PACSIN1: variants seen among roughly 807,000 people sequenced by gnomAD.
The protein encoded by PACSIN1 is protein kinase C and casein kinase substrate in neurons protein 1.
A neutral mutation model predicts 59.5 loss-of-function variants in PACSIN1; 15 were observed. The ratio of observed to expected loss-of-function variants is 0.25; its 90% CI spans 0.17 to 0.39. The LOEUF (loss-of-function observed/expected upper bound fraction) is 0.39, where lower values mean the gene tolerates loss of function less well. Among genes scored for constraint, PACSIN1 ranks in the 10% least tolerant of loss-of-function variants. PACSIN1 has a pLI of 1.00. For synonymous variants in PACSIN1, 210 were observed against 220.6 expected (o/e 0.95, Z 0.42); for missense variants, 420 against 580.2 (o/e 0.72, Z 2.84).
intron 1 of PACSIN1, among the ~76,000 whole-genome samples, chr6:34,482,163 C>T (rs1473232247): frequency 2.0e-5 from 3 of 151,856 alleles, no homozygotes; most frequent in Non-Finnish European, 2.9e-5. Flanking sequence ...CTCGGCTCAC[C>T]GCAATCTCTG....
chr6:34,490,433 GAC>G (rs1327095016), intron 1 of PACSIN1, among the ~76,000 whole-genome samples: 1 of 151,986 alleles, frequency 6.6e-6, no homozygotes, highest in African/African-American at 2.4e-5. Context: ...CTTGCCCTGG[GAC>G]ACAGAGTCTA....
chr6:34,528,912 TG>T (rs1345459813), intron 4 of PACSIN1, 35 bp downstream of exon 4: 2 of 464,336 alleles, frequency 4.3e-6, no homozygotes, highest in East Asian at 1.1e-4. Context: ...CGGGGTGGGG[TG>T]GGCCCGTCTG....
intron 1 of PACSIN1, among the ~76,000 whole-genome samples, chr6:34,489,045 G>A (rs1046726420): frequency 1.3e-5 from 2 of 151,998 alleles, no homozygotes; most frequent in Non-Finnish European, 2.9e-5. Context: ...GCCAGGTGTG[G>A]CGGCATGCCC....
At chr6:34,489,721 C>G (rs1412079915) in intron 1 of PACSIN1, among the ~76,000 whole-genome samples, 1 of 152,220 alleles carries the variant, frequency 6.6e-6, no homozygotes, top group East Asian at 1.9e-4. Flanking sequence ...ATCACCTGCC[C>G]CCATATGCTT....
intron 1 of PACSIN1, among the ~76,000 whole-genome samples, chr6:34,498,052 TTTTGTTTGTTTG>T (rs34953853): frequency 1.3e-5 from 2 of 151,426 alleles, no homozygotes; most frequent in African/African-American, 2.4e-5. Context: ...TTTTTGTTTG[TTTTGTTTGTTTG>T]TTTGTTTGTT....
chr6:34,500,020 G>A (rs1767001622), intron 1 of PACSIN1, among the ~76,000 whole-genome samples: 1 of 152,116 alleles, frequency 6.6e-6, no homozygotes, highest in African/African-American at 2.4e-5. Flanking sequence ...GTCTAATGAG[G>A]GGTTAATATC....
chr6:34,487,922 G>A (rs781597021), intron 1 of PACSIN1, among the ~76,000 whole-genome samples: 19 of 152,162 alleles, frequency 1.2e-4, no homozygotes, highest in Non-Finnish European at 2.5e-4. Flanking sequence ...GGAAATCTGA[G>A]CCCTTATAAT....
At chr6:34,469,309 C>T (rs1766539442) in intron 1 of PACSIN1, among the ~76,000 whole-genome samples, 1 of 152,048 alleles carries the variant, frequency 6.6e-6, no homozygotes, top group South Asian at 2.1e-4. Flanking sequence ...ACTAGAAAGC[C>T]GAATGAAGGA....
chr6:34,531,323 T>C lies in PACSIN1; in HGVS notation c.1038-277T>C, dbSNP rs567289594. ...AGGTCTGACTCCAGGATCCTTGCTC[T>C]TAAACATTAGGTGGTACTCCTCCTC... On this transcript the variant is annotated intron_variant, in intron 8 of 9. Coordinates refer to ENST00000244458, the MANE Select transcript of PACSIN1 (RefSeq NM_020804.5). The surrounding 1 kb of genome is among the most constrained non-coding windows in gnomAD (Gnocchi z 4.4). 3.9e-5 allele frequency among the ~76,000 whole-genome samples: 6 copies of C among 152,320 alleles called. No homozygotes were observed. The South Asian group carries it at 6.2e-4, about 16-fold the overall frequency.
chr6:34,505,631 C>CT (rs35588714), intron 1 of PACSIN1, among the ~76,000 whole-genome samples: 93,565 of 106,276 alleles, frequency 0.88, 41,679 homozygotes, highest in South Asian at 0.96. Context: ...TACCTCCATA[C>CT]TTTTTTTTTT....
At chr6:34,528,576 G>A in intron 3 of PACSIN1, 66 bp from the exon 4 acceptor site, 3 of 1,134,514 alleles carry the variant, frequency 2.6e-6, no homozygotes, top group Middle Eastern at 2.3e-4. Flanking sequence ...TCAGAGAAGG[G>A]AGATGTGAGG....
At chr6:34,487,699 C>T (rs983884544) in intron 1 of PACSIN1, among the ~76,000 whole-genome samples, 26 of 152,152 alleles carry the variant, frequency 1.7e-4, no homozygotes, top group African/African-American at 6.3e-4. Flanking sequence ...TTTGCACCCT[C>T]GCATTGACCA....
intron 1 of PACSIN1, among the ~76,000 whole-genome samples, chr6:34,520,713 C>A (rs1015538158): frequency 2.0e-5 from 3 of 152,138 alleles, no homozygotes; most frequent in African/African-American, 7.2e-5. Context: ...CCCCTGAGGA[C>A]GGAGGAAGCC....
rs924660441 is a variant in PACSIN1 at position 34,530,920 on chromosome 6, A to G, written c.1037+333A>G. On this transcript the variant is annotated intron_variant, in intron 8 of 9. Transcript: ENST00000244458. The surrounding 1 kb of genome is among the most constrained non-coding windows in gnomAD (Gnocchi z 4.4). ...TTCACAATAGGGGGGTTGCGCTCCT[A>G]TGAGAATCTAACGCCGCGGCTGATC... is the stretch of plus-strand genomic sequence containing the variant. 2.0e-5 allele frequency among the ~76,000 whole-genome samples: 3 copies of G among 152,174 alleles called. No homozygotes were observed. The highest frequency in any genetic ancestry group is 7.2e-5 in the African/African-American group (3 of 41,430).
At chr6:34,519,690 C>G (rs935326957) in intron 1 of PACSIN1, among the ~76,000 whole-genome samples, 1 of 152,108 alleles carries the variant, frequency 6.6e-6, no homozygotes, top group Non-Finnish European at 1.5e-5. Context: ...CTCCTACACC[C>G]CATGGGGGTA....
At position 34,506,748 on chromosome 6, in the gene PACSIN1, C is replaced by T. The variant is rs141929490; in HGVS notation, c.-63-19495C>T. Among the ~76,000 whole-genome samples, 407 of 152,184 alleles carry T rather than the reference C, an allele frequency of 2.7e-3. 1 individual carries two copies. Among genetic ancestry groups the T allele is most frequent in the African/African-American group, 9.2e-3 (383 of 41,510 alleles). ...TTCTGGCACCAGTGATCCCTCCCTG[C>T]GTGGGAAGGGAGGGTGCCTTGTTAC... On this transcript the variant is annotated intron_variant, in intron 1 of 9. Coordinates refer to ENST00000244458, the MANE Select transcript of PACSIN1 (RefSeq NM_020804.5).
intron 1 of PACSIN1, among the ~76,000 whole-genome samples, chr6:34,520,827 G>A (rs778040419): frequency 2.6e-5 from 4 of 152,104 alleles, no homozygotes; most frequent in Non-Finnish European, 5.9e-5. Flanking sequence ...GGAGAAGCCC[G>A]GCTTGGAGAC....
At position 34,534,768 on chromosome 6, in the gene PACSIN1, G is replaced by T. The variant is rs1767663835; in HGVS notation, c.*2238G>T. 2 of 152,752 alleles carry T rather than the reference G, an allele frequency of 1.3e-5. No individual in the cohort carries two copies. The allele number at this position is 152,752 out of a possible 1,614,324, so 9.5% of individuals were successfully genotyped here. A position where few individuals can be genotyped will look rare whatever the true frequency, so the allele number is the denominator to read the frequency against. ...CTCTCTCAGTCCCCAGGTCCTCAGG[G>T]CCCCAGAGCGGGAGGGTCTCCTACC... On this transcript the variant is annotated 3_prime_UTR_variant, in exon 10 of 10. Transcript: ENST00000244458.
chr6:34,496,413 G>A (rs1361094872), intron 1 of PACSIN1, among the ~76,000 whole-genome samples: 6 of 152,320 alleles, frequency 3.9e-5, no homozygotes, highest in African/African-American at 1.4e-4. Flanking sequence ...GGTCTTCTGG[G>A]GTGATCTCTG....
Sources: gnomAD v4.1 joint callset for allele counts (sites outside exome capture counted in the v4.1 genomes callset) on GRCh38, gnomAD v4.1.1 for gene constraint, Gnocchi (gnomAD v3.1) non-coding constraint, MANE v1.5 for transcripts, NCBI Gene and HGNC (gene_info 2026-07-23, HGNC 2026-07-21) for gene names.